The following TDRD9 variants were observed in gnomAD, a reference collection of about 807,000 sequenced individuals.
The protein encoded by TDRD9 is tudor domain containing 9.
TDRD9 carries 124 observed loss-of-function variants against 172.6 expected under a neutral mutation model. That is an observed-to-expected ratio of 0.72 (90% confidence interval 0.62 to 0.83). The LOEUF is 0.83. Ranked by LOEUF, TDRD9 falls within the 40% of genes least tolerant of loss-of-function variation. The pLI, the probability that TDRD9 is intolerant of heterozygous loss-of-function variation, is 0.00. For synonymous variants in TDRD9, 619 were observed against 617.1 expected (o/e 1.00, Z -0.05); for missense variants, 1,479 against 1,714.1 (o/e 0.86, Z 2.42).
Position 103,928,701 on chromosome 14 carries a change from C to G in TDRD9, c.192C>G (p.Ala64=). The G allele has an allele frequency of 2.5e-6, 3 of 1,188,738 alleles. No individual in the cohort carries two copies. The South Asian group carries it at 1.2e-4, about 47-fold the overall frequency. The allele number at this position is 1,188,738 out of a possible 1,614,324, so 73.6% of individuals were successfully genotyped here. ...CTCCGGCTCTGGCCCAAGCTCCGGC[C>G]CGGCCGGCCGCTGCGTTCGAAAGGT... The part of the protein sequence containing the change: ...AQAPALAQAP[A]RPAAAFERSL... Residue 64 remains alanine, a synonymous_variant, in exon 1 of 36, where the codon GCC becomes GCG. Coordinates refer to ENST00000409874, the MANE Select transcript of TDRD9 (RefSeq NM_153046.3).
intron 2 of TDRD9, among the ~76,000 whole-genome samples, chr14:103,960,093 C>T (rs1396639528): frequency 6.6e-6 from 1 of 152,130 alleles, no homozygotes; most frequent in Non-Finnish European, 1.5e-5. Flanking sequence ...ATTTTGTATT[C>T]AGAATACTAG....
At chr14:103,998,861 C>T (rs113306744) in intron 13 of TDRD9, 133 bp downstream of exon 13, 14,011 of 539,738 alleles carry the variant, frequency 0.026, 264 homozygotes, top group Middle Eastern at 0.054. Flanking sequence ...GGCGCGATCT[C>T]GGTTCACTGC....
Position 103,956,104 on chromosome 14 carries a change from AAAAAAAAATATATATATATATATATAT to A in TDRD9, c.322+336_322+362del, listed in dbSNP as rs1286749056. 5.0e-3 allele frequency among the ~76,000 whole-genome samples: 258 copies of A among 51,772 alleles called. 8 individuals carry two copies. The highest frequency in any genetic ancestry group is 0.02 in the African/African-American group (246 of 12,144). The allele number at this position is 51,772 out of a possible 152,430, so 34.0% of individuals were successfully genotyped here. The stretch of plus-strand genomic sequence containing the variant: ...TAAAAAAAAAAAAAAAAAAAAAAAA[AAAAAAAAATATATATATATATATATAT>A]ATATATATATATATATATAATTATT... On this transcript the variant is annotated intron_variant, in intron 2 of 35. Coordinates refer to ENST00000409874, the MANE Select transcript of TDRD9 (RefSeq NM_153046.3).
At chr14:104,004,536 G>A (rs1566775723) in intron 14 of TDRD9, among the ~76,000 whole-genome samples, 3 of 151,946 alleles carry the variant, frequency 2.0e-5, no homozygotes, top group Non-Finnish European at 1.5e-5. Context: ...ACACCACCAC[G>A]CCCAGCTAAT....
intron 24 of TDRD9, 132 bp downstream of exon 24, chr14:104,022,462 T>G: frequency 1.1e-6 from 1 of 916,974 alleles, no homozygotes. Context: ...GTGTGGGGGC[T>G]CACGCCACTC....
chr14:103,935,352 A>T (rs2030690558), intron 1 of TDRD9, among the ~76,000 whole-genome samples: 1 of 152,160 alleles, frequency 6.6e-6, no homozygotes. Context: ...AGCTAGAGGC[A>T]AGGACTCTGT....
chr14:104,006,299 C>G, intron 15 of TDRD9, 90 bp from the exon 16 acceptor site: 1 of 1,063,160 alleles, frequency 9.4e-7, no homozygotes, highest in Non-Finnish European at 1.4e-6. Context: ...AAAATTAGGT[C>G]TTTGTTTCCT....
intron 1 of TDRD9, 71 bp from the exon 2 acceptor site, chr14:103,955,593 A>G (rs557501107): frequency 2.1e-5 from 24 of 1,151,218 alleles, no homozygotes; most frequent in Admixed American, 3.0e-5. Context: ...TTAATGTGAA[A>G]AACTTGTCTA....
In TDRD9 at chr14:104,040,187, T is replaced by C. The variant is rs190401081; in HGVS notation, c.3717-9T>C. On this transcript the variant is annotated splice_polypyrimidine_tract_variant and intron_variant, in intron 32 of 35. Transcript: ENST00000409874. ...AAATAATGGACTCTTCTGAAAACAT[T>C]CCATTTAGGATTGATCAGAATGGCA... 8.0e-4 allele frequency: 1,157 copies of C among 1,448,382 alleles called. 17 individuals are homozygous for C. In the Admixed American group the frequency reaches 0.026, roughly 32 times the overall value. The allele number at this position is 1,448,382 out of a possible 1,614,324, so 89.7% of individuals were successfully genotyped here.
intron 1 of TDRD9, among the ~76,000 whole-genome samples, chr14:103,938,382 ATGTGTG>A (rs71126086): frequency 0.047 from 1,799 of 38,510 alleles, 54 homozygotes; most frequent in Non-Finnish European, 0.058. Context: ...TGCCCCATAT[ATGTGTG>A]TGTGTGTGTG....
intron 25 of TDRD9, 69 bp downstream of exon 25, chr14:104,024,749 TACACAC>T (rs60394937): frequency 0.05 from 21,595 of 431,550 alleles, 88 homozygotes; most frequent in East Asian, 0.081. Context: ...ACAGGAAGTT[TACACAC>T]ACACACACAC....
intron 23 of TDRD9, among the ~76,000 whole-genome samples, chr14:104,020,296 A>C (rs1437945447): frequency 6.6e-6 from 1 of 152,194 alleles, no homozygotes; most frequent in Non-Finnish European, 1.5e-5. Flanking sequence ...AGTCCAAAGC[A>C]GAGGTACTGA....
In TDRD9 at chr14:103,969,048, G is replaced by C. The variant is rs534450614; in HGVS notation, c.766-1493G>C. On this transcript the variant is annotated intron_variant, in intron 5 of 35. Coordinates refer to ENST00000409874, the MANE Select transcript of TDRD9 (RefSeq NM_153046.3). ...CCGGGAGGCGGAGCTTGCAGTGAGC[G>C]GAGATCGCGTCACTGCACTCCAGCC... is the stretch of plus-strand genomic sequence containing the variant. Among the ~76,000 whole-genome samples the C allele has an allele frequency of 2.7e-5, 4 of 146,330 alleles. No homozygotes were observed. The South Asian group carries it at 8.7e-4, about 32-fold the overall frequency.
intron 31 of TDRD9, among the ~76,000 whole-genome samples, 157 bp from the exon 32 acceptor site, chr14:104,034,803 C>T (rs901677774): frequency 6.6e-6 from 1 of 152,180 alleles, no homozygotes; most frequent in Non-Finnish European, 1.5e-5. Context: ...AAACAGAGAA[C>T]AGGGAGTGTG....
chr14:104,005,040 C>T, intron 14 of TDRD9: 6 of 349,990 alleles, frequency 1.7e-5, no homozygotes, highest in Non-Finnish European at 2.0e-5. Context: ...CCCTCTTTTC[C>T]TTCTCTTTTT....
At chr14:103,969,275 G>A (rs2032916043) in intron 5 of TDRD9, among the ~76,000 whole-genome samples, 1 of 151,422 alleles carries the variant, frequency 6.6e-6, no homozygotes. Context: ...GTATGTTTAT[G>A]TGTTAGAAAG....
At chr14:103,932,105 G>A (rs2030428019) in intron 1 of TDRD9, among the ~76,000 whole-genome samples, 1 of 152,186 alleles carries the variant, frequency 6.6e-6, no homozygotes, top group African/African-American at 2.4e-5. Context: ...TTAGCTTTAG[G>A]AAACCCTAAG....
intron 5 of TDRD9, among the ~76,000 whole-genome samples, chr14:103,968,474 A>G (rs2032851239): frequency 6.6e-6 from 1 of 152,102 alleles, no homozygotes; most frequent in Non-Finnish European, 1.5e-5. Flanking sequence ...AATGTTTTAA[A>G]CTTTCCAGCT....
At chr14:103,977,474 CAG>C (rs1370601047) in intron 7 of TDRD9, among the ~76,000 whole-genome samples, 1 of 103,848 alleles carries the variant, frequency 9.6e-6, no homozygotes, top group Non-Finnish European at 1.7e-5. Flanking sequence ...GCCTGGGTGA[CAG>C]AGAGAGACTC....
Sources: gnomAD v4.1 joint callset for allele counts (sites outside exome capture counted in the v4.1 genomes callset) on GRCh38, gnomAD v4.1.1 for gene constraint, MANE v1.5 for transcripts, NCBI Gene and HGNC (gene_info 2026-07-23, HGNC 2026-07-21) for gene names.